GAR1: variants seen among roughly 807,000 people sequenced by gnomAD.
The protein encoded by GAR1 is H/ACA ribonucleoprotein complex subunit 1.
In GAR1, 11 loss-of-function variants were observed where a neutral mutation model predicts 29.3. The observed-to-expected ratio is 0.38, with a 90% CI of 0.24 to 0.62. The LOEUF is 0.62. GAR1 is among the 20% of genes least tolerant of loss of function. The pLI is 0.62. For missense variants in GAR1, 237 were observed against 268.4 expected (o/e 0.88, Z 0.82); for synonymous variants, 87 against 93.3 (o/e 0.93, Z 0.39).
intron 2 of GAR1, 121 bp downstream of exon 2, chr4:109,816,499 A>T: frequency 4.3e-6 from 4 of 937,316 alleles, no homozygotes; most frequent in South Asian, 1.5e-5. Context: ...GTAAGGGTGG[A>T]GTGGGGAGAT....
intron 5 of GAR1, chr4:109,822,700 G>A: frequency 2.4e-6 from 1 of 417,142 alleles, no homozygotes; most frequent in South Asian, 5.5e-5. Context: ...TACTTTTGAG[G>A]GACTTCATTT....
chr4:109,821,061 C>G (rs1733500656), intron 4 of GAR1, among the ~76,000 whole-genome samples: 1 of 152,036 alleles, frequency 6.6e-6, no homozygotes, highest in Admixed American at 6.6e-5. Flanking sequence ...TACATTCTAC[C>G]TCTCCCGGTT....
chr4:109,823,849 G>A, intron 5 of GAR1, 116 bp from the exon 6 acceptor site: 1 of 568,964 alleles, frequency 1.8e-6, no homozygotes, highest in Non-Finnish European at 3.0e-6. Flanking sequence ...TATAGTTATT[G>A]TATTGATCTT....
At chr4:109,822,222 T>C in intron 4 of GAR1, 125 bp from the exon 5 acceptor site, 3 of 570,952 alleles carry the variant, frequency 5.3e-6, no homozygotes, top group South Asian at 2.2e-5. Context: ...CCCAGGGATA[T>C]GTAGTAGAAA....
Position 109,820,781 on chromosome 4 carries a change from T to C in GAR1, c.430-1566T>C, listed in dbSNP as rs139536833. On this transcript the variant is annotated intron_variant, in intron 4 of 6. Coordinates refer to ENST00000226796, the MANE Select transcript of GAR1 (RefSeq NM_018983.4). ...TAGGAAATGAGAGGGAGACAATAGC[T>C]TGTTGTCAGCATATGGCTACTAGTT... Among the ~76,000 whole-genome samples the C allele has an allele frequency of 2.4e-3, 366 of 152,196 alleles. 3 individuals carry two copies. Among genetic ancestry groups the C allele is most frequent in the East Asian group, 6.2e-3 (32 of 5,162 alleles).
chr4:109,819,923 C>G (rs1424828037), intron 4 of GAR1, among the ~76,000 whole-genome samples: 5 of 152,098 alleles, frequency 3.3e-5, no homozygotes, highest in African/African-American at 1.2e-4. Context: ...TAGGAGGGGG[C>G]TTGATTAACT....
rs750960231 is a variant in GAR1 at position 109,823,942 on chromosome 4, A to G, written c.572-23A>G. ...TATTGTTATTTAAATACTTTGCGTT[A>G]TTATTTAATAAATGTTTTTTAGGTG... On this transcript the variant is annotated intron_variant, in intron 5 of 6. Coordinates refer to ENST00000226796, the MANE Select transcript of GAR1 (RefSeq NM_018983.4). 5 of 1,495,238 alleles carry G rather than the reference A, an allele frequency of 3.3e-6. No individual in the cohort carries two copies. The African/African-American group carries it at 6.9e-5, about 21-fold the overall frequency. The allele number at this position is 1,495,238 out of a possible 1,614,324, so 92.6% of individuals were successfully genotyped here.
intron 2 of GAR1, among the ~76,000 whole-genome samples, chr4:109,817,262 C>T (rs935479729): frequency 6.6e-6 from 1 of 152,164 alleles, no homozygotes; most frequent in Non-Finnish European, 1.5e-5. Flanking sequence ...ATCGGTAGAA[C>T]TTAGCTAATG....
chr4:109,818,660 G>A (rs1331852989), intron 3 of GAR1, among the ~76,000 whole-genome samples: 1 of 151,166 alleles, frequency 6.6e-6, no homozygotes, highest in Non-Finnish European at 1.5e-5. Flanking sequence ...CGCCTCCTGG[G>A]TTCGAGCAAT....
chr4:109,821,682 T>G (rs1733515791), intron 4 of GAR1, among the ~76,000 whole-genome samples: 1 of 152,192 alleles, frequency 6.6e-6, no homozygotes, highest in Non-Finnish European at 1.5e-5. Context: ...CTTACGGCAG[T>G]TCTGTTGAGT....
Position 109,816,336 on chromosome 4 carries a change from T to G in GAR1, c.172T>G (p.Phe58Val). ...GFGRGGGRGG[F>V]NKGQDQGPPE... Reference sequence around the variant, plus strand: ...TGGACGAGGGGGTGGCCGCGGAGGCTTTAACAAAGGCCAAGACCAAGGACC... The same window carrying G: ...TGGACGAGGGGGTGGCCGCGGAGGCGTTAACAAAGGCCAAGACCAAGGACC... Residue 58 changes from phenylalanine (F) to valine (V), a missense_variant, in exon 2 of 7, where the codon TTT becomes GTT. By Grantham distance (50) the Phe-to-Val change is conservative (BLOSUM62 -1). Coordinates refer to ENST00000226796, the MANE Select transcript of GAR1 (RefSeq NM_018983.4). 6.2e-7 allele frequency: 1 copy of G among 1,613,858 alleles called. No homozygotes were observed. The highest frequency in any genetic ancestry group is 8.5e-7 in the Non-Finnish European group (1 of 1,179,978).
Position 109,820,572 on chromosome 4 carries a change from T to TA in GAR1, c.429+1523dup, listed in dbSNP as rs1198928380. 6.9e-4 allele frequency among the ~76,000 whole-genome samples: 99 copies of TA among 144,414 alleles called. 1 individual carries two copies. The highest frequency in any genetic ancestry group is 2.6e-3 in the East Asian group (13 of 4,998). The allele number at this position is 144,414 out of a possible 152,430, so 94.7% of individuals were successfully genotyped here. The stretch of plus-strand genomic sequence containing the variant: ...TGGAAACTCAGAAGTAATTGCCAGT[T>TA]AAAAAAAAAAAGGCAAACCACAAGC... On this transcript the variant is annotated intron_variant, in intron 4 of 6. Transcript: ENST00000226796.
rs748772714 is a variant in GAR1 at position 109,816,122 on chromosome 4, C to G, written c.-12-31C>G. 1.9e-6 allele frequency: 3 copies of G among 1,591,436 alleles called. No individual in the cohort carries two copies. In the Admixed American group the frequency reaches 5.0e-5, roughly 27 times the overall value. ...GAGTATACTCAGAGGCTACAGTGATCAGAAGACATAGGTCGTTTTTTTTTC... is the reference window on the plus strand; with the variant it reads ...GAGTATACTCAGAGGCTACAGTGATGAGAAGACATAGGTCGTTTTTTTTTC... On this transcript the variant is annotated intron_variant, in intron 1 of 6. Coordinates refer to ENST00000226796, the MANE Select transcript of GAR1 (RefSeq NM_018983.4).
intron 1 of GAR1, 124 bp from the exon 2 acceptor site, chr4:109,816,029 C>A: frequency 1.1e-6 from 1 of 914,986 alleles, no homozygotes; most frequent in Non-Finnish European, 1.8e-6. Flanking sequence ...GGCTGTCTGA[C>A]CGTGGGTGAG....
chr4:109,817,464 G>T (rs1733384292), intron 2 of GAR1, among the ~76,000 whole-genome samples: 1 of 150,972 alleles, frequency 6.6e-6, no homozygotes, highest in African/African-American at 2.4e-5. Flanking sequence ...AAGTTCTAAG[G>T]CAAGAGAAAA....
intron 4 of GAR1, among the ~76,000 whole-genome samples, chr4:109,821,921 A>G (rs893181020): frequency 6.6e-6 from 1 of 151,686 alleles, no homozygotes; most frequent in Non-Finnish European, 1.5e-5. Context: ...ACATGTTCTC[A>G]CTCGTAAGTG....
chr4:109,817,019 G>A (rs1407435767), intron 2 of GAR1, among the ~76,000 whole-genome samples: 2 of 152,198 alleles, frequency 1.3e-5, no homozygotes. Context: ...GGAAGTCACA[G>A]AAAGTGAAAC....
chr4:109,816,128 A>G (rs1299865114), intron 1 of GAR1, 25 bp from the exon 2 acceptor site: 2 of 1,597,174 alleles, frequency 1.3e-6, no homozygotes, highest in African/African-American at 2.7e-5. Context: ...TGATCAGAAG[A>G]CATAGGTCGT....
rs747626126 is a variant in GAR1, at chr4:109,823,984, A to G, written c.591A>G (p.Arg197=). Residue 197 remains arginine, a synonymous_variant, in exon 6 of 7, where the codon AGA becomes AGG. Coordinates refer to ENST00000226796, the MANE Select transcript of GAR1 (RefSeq NM_018983.4). ...TTTTAGGTGGTTTTAGAGGTGGAAG[A>G]GGAGGTGGAGGTGGGGGCTTCAGAG... ...GGRGGGFRGG[R]GGGGGGFRGG... 2.5e-6 allele frequency: 4 copies of G among 1,605,996 alleles called. No individual in the cohort carries two copies. The South Asian group carries it at 4.4e-5, about 18-fold the overall frequency.
Sources: gnomAD v4.1 joint callset for allele counts (sites outside exome capture counted in the v4.1 genomes callset) on GRCh38, gnomAD v4.1.1 for gene constraint, MANE v1.5 for transcripts, NCBI Gene and HGNC (gene_info 2026-07-23, HGNC 2026-07-21) for gene names.